RBP3: variants seen among roughly 807,000 people sequenced by gnomAD.
RBP3 encodes retinol binding protein 3, also known as retinol-binding protein 3.
Under a neutral mutation model 64.8 loss-of-function variants are expected in RBP3, and 50 were observed. The ratio of observed to expected loss-of-function variants is 0.77; its 90% CI spans 0.61 to 0.98. The LOEUF is 0.98. Ranked by LOEUF, RBP3 falls within the 50% of genes least tolerant of loss-of-function variation. The probability of loss-of-function intolerance (pLI) is 0.00; values close to 1 mark genes in which losing one functional copy is unlikely to be tolerated. For missense variants in RBP3, 1,712 were observed against 1,660.5 expected, an observed-to-expected ratio of 1.03 and a Z score of -0.54; for synonymous variants, 828 against 730.2, an observed-to-expected ratio of 1.13 and a Z score of -2.16.
rs1298108353 is a variant in RBP3 at position 47,351,343 on chromosome 10, C to T, written c.2859C>T (p.Ala953=). ...TAGKLVADNY[A]SAELGAKMAT... ...GGAAGCTGGTGGCTGATAACTATGC[C>T]TCTGCCGAGCTGGGGGCCAAGATGG... The change falls in exon 1 of 4, where the codon GCC becomes GCT. Residue 953 remains alanine, a synonymous_variant. Transcript: ENST00000584701. 5.0e-6 allele frequency: 8 copies of T among 1,613,428 alleles called. No homozygotes were observed. Among genetic ancestry groups the T allele is most frequent in the African/African-American group, 2.7e-5 (2 of 74,948 alleles).
rs1467012728 is a variant in RBP3 at position 47,350,834 on chromosome 10, T to C, written c.2350T>C (p.Tyr784His). 6.2e-7 allele frequency: 1 copy of C among 1,613,040 alleles called. No individual in the cohort carries two copies. ...DTAALVIDLR[Y>H]NPGSYSTAIP... Reference sequence around the variant, plus strand: ...GGCTGCGCTGGTGATCGACCTGCGCTACAACCCTGGCAGCTACTCCACGGC... The same window carrying C: ...GGCTGCGCTGGTGATCGACCTGCGCCACAACCCTGGCAGCTACTCCACGGC... The change falls in exon 1 of 4, where the codon TAC becomes CAC. Residue 784 changes from tyrosine (Y) to histidine (H), a missense_variant. Transcript: ENST00000584701.
chr10:47,351,949 AG>A (rs1555211639), intron 1 of RBP3, among the ~76,000 whole-genome samples: 1 of 152,178 alleles, frequency 6.6e-6, no homozygotes, highest in Non-Finnish European at 1.5e-5. Context: ...GCTAGGGAAG[AG>A]GCCAACACCT....
chr10:47,349,674 C>T lies in RBP3; in HGVS notation c.1190C>T (p.Ser397Phe). 1 of 1,611,856 alleles carries T rather than the reference C, an allele frequency of 6.2e-7. No individual in the cohort carries two copies. The highest frequency in any genetic ancestry group is 1.1e-5 in the South Asian group (1 of 91,086). ...VRAIGPTETP[S>F]WPAPDAAAED... ...GCCATCGGGCCCACAGAAACTCCTT[C>T]TTGGCCCGCGCCCGACGCTGCAGCC... The change falls in exon 1 of 4, where the codon TCT becomes TTT. Residue 397 changes from serine to phenylalanine, a missense_variant. Coordinates refer to ENST00000584701, the MANE Select transcript of RBP3 (RefSeq NM_002900.3).
intron 1 of RBP3, among the ~76,000 whole-genome samples, chr10:47,351,943 G>A (rs1836980360): frequency 6.6e-6 from 1 of 152,174 alleles, no homozygotes; most frequent in East Asian, 1.9e-4. Context: ...GTCAGTGCTA[G>A]GGAAGAGGCC....
chr10:47,355,380 A>C lies in RBP3; in HGVS notation c.3250A>C (p.Asn1084His). 6.2e-7 allele frequency: 1 copy of C among 1,613,864 alleles called. No individual in the cohort carries two copies. Among genetic ancestry groups the C allele is most frequent in the Non-Finnish European group, 8.5e-7 (1 of 1,180,040 alleles). Reference protein sequence around the residue: ...TDAMIIDMRFNIGGPTSSIPI... With the variant: ...TDAMIIDMRFHIGGPTSSIPI... The stretch of plus-strand genomic sequence containing the variant: ...GCTCTGCTTCCCATCCTTCAGGTTC[A>C]ACATCGGTGGCCCCACATCCTCCAT... The change falls in exon 3 of 4, where the codon AAC becomes CAC. Residue 1084 changes from asparagine to histidine, a missense_variant. Coordinates refer to ENST00000584701, the MANE Select transcript of RBP3 (RefSeq NM_002900.3).
chr10:47,355,311 C>A (rs546604824), intron 2 of RBP3, 65 bp from the exon 3 acceptor site: 3 of 1,606,674 alleles, frequency 1.9e-6, no homozygotes, highest in East Asian at 2.2e-5. Context: ...CTGGCCTCCC[C>A]GAGGGGCACA....
At position 47,349,563 on chromosome 10, in the gene RBP3, C is replaced by T; in HGVS notation, c.1079C>T (p.Ser360Phe). ...CAGCACTTGGCCAGCATGGACTTCT[C>T]CACGGTGGTCTCCGAGGAAGATCTG... ...LLQHLASMDF[S>F]TVVSEEDLVT... is the part of the protein sequence containing the mutation. Residue 360 changes from serine to phenylalanine, a missense_variant, in exon 1 of 4, where the codon TCC (serine) becomes TTC (phenylalanine). Transcript: ENST00000584701. 1 of 1,613,036 alleles carries T rather than the reference C, an allele frequency of 6.2e-7. No homozygotes were observed. Among genetic ancestry groups the T allele is most frequent in the South Asian group, 1.1e-5 (1 of 91,080 alleles).
At chr10:47,356,618 T>G (rs901118013) in intron 3 of RBP3, among the ~76,000 whole-genome samples, 2 of 152,226 alleles carry the variant, frequency 1.3e-5, no homozygotes, top group Non-Finnish European at 2.9e-5. Flanking sequence ...ATGGGTTTCT[T>G]TTTGCTTGCT....
chr10:47,351,396 G>A lies in RBP3; in HGVS notation c.2912G>A (p.Arg971His), dbSNP rs373522557. Residue 971 changes from arginine (R) to histidine (H), a missense_variant, in exon 1 of 4, where the codon CGC (arginine) becomes CAC (histidine). Arg to His is a conservative substitution (Grantham distance 29). Coordinates refer to ENST00000584701, the MANE Select transcript of RBP3 (RefSeq NM_002900.3). ...MATKLSGLQS[R>H]YSRVTSEVAL... The stretch of plus-strand genomic sequence containing the variant: ...ACCAAACTGAGCGGTCTGCAGAGCC[G>A]CTACTCCAGGGTGACCTCAGAAGTG... 1.3e-5 allele frequency: 21 copies of A among 1,613,538 alleles called. No individual in the cohort carries two copies. The highest frequency in any genetic ancestry group is 6.7e-5 in the East Asian group (3 of 44,882).
In RBP3 at chr10:47,351,624, C is replaced by T. The variant is rs782466105; in HGVS notation, c.3054+86C>T. 82 of 1,488,708 alleles carry T rather than the reference C, an allele frequency of 5.5e-5. No individual in the cohort carries two copies. In the South Asian group the frequency reaches 6.4e-4, roughly 12 times the overall value. 92.2% of individuals were successfully genotyped at this position (1,488,708 alleles called of 1,614,324 possible). A position where few individuals can be genotyped will look rare whatever the true frequency, so the allele number is the denominator to read the frequency against. On this transcript the variant is annotated intron_variant, in intron 1 of 3. Transcript: ENST00000584701. ...CACATGCAGGGCTCTGTGCACAGTG[C>T]GTGACAATGGCTTTTAGATTTGTTC...
Position 47,355,411 on chromosome 10 carries a change from T to C in RBP3, c.3281T>C (p.Ile1094Thr), listed in dbSNP as rs1555211913. ...NIGGPTSSIPILCSYFFDEGP... is the reference protein window; with the variant it reads ...NIGGPTSSIPTLCSYFFDEGP... Reference sequence around the variant, plus strand: ...GGTGGCCCCACATCCTCCATTCCCATCTTGTGCTCCTACTTCTTTGATGAA... The same window carrying C: ...GGTGGCCCCACATCCTCCATTCCCACCTTGTGCTCCTACTTCTTTGATGAA... Residue 1094 changes from isoleucine to threonine, a missense_variant, in exon 3 of 4, where the codon ATC (isoleucine) becomes ACC (threonine). Physicochemically the swap from Ile to Thr is moderately conservative, Grantham distance 89. Coordinates refer to ENST00000584701, the MANE Select transcript of RBP3 (RefSeq NM_002900.3). The C allele has an allele frequency of 6.2e-7, 1 of 1,614,134 alleles. No homozygotes were observed.
chr10:47,356,920 T>A lies in RBP3; in HGVS notation c.3389-182T>A, dbSNP rs191305517. Among the ~76,000 whole-genome samples, 13 of 152,260 alleles carry A rather than the reference T, an allele frequency of 8.5e-5. No individual in the cohort carries two copies. The East Asian group carries it at 2.5e-3, about 29-fold the overall frequency. ...CCTCGTGATTGGGCATGCATTCTTG[T>A]CCCCATTTTACGGATGCAGAAATCA... On this transcript the variant is annotated intron_variant, in intron 3 of 3. Transcript: ENST00000584701.
chr10:47,349,174 C>T lies in RBP3; in HGVS notation c.690C>T (p.Leu230=), dbSNP rs375566306. 6.2e-7 allele frequency: 1 copy of T among 1,613,664 alleles called. No homozygotes were observed. Among genetic ancestry groups the T allele is most frequent in the African/African-American group, 1.3e-5 (1 of 74,938 alleles). The stretch of plus-strand genomic sequence containing the variant: ...GTGCCGACAAGGATGTGGTGGTCCT[C>T]ACCAGCAGCCAGACCAGGGGCGTGG... ...RYGADKDVVV[L]TSSQTRGVAE... is the part of the protein sequence containing the mutation. Residue 230 remains leucine, a synonymous_variant, in exon 1 of 4, where the codon CTC becomes CTT. Coordinates refer to ENST00000584701, the MANE Select transcript of RBP3 (RefSeq NM_002900.3).
Position 47,351,552 on chromosome 10 carries a change from G to C in RBP3, c.3054+14G>C, listed in dbSNP as rs1555211599. 6 of 1,613,486 alleles carry C rather than the reference G, an allele frequency of 3.7e-6. No individual in the cohort carries two copies. Among genetic ancestry groups the C allele is most frequent in the Non-Finnish European group, 5.1e-6 (6 of 1,180,046 alleles). ...GTGCCCATGCAGGTGAGACCCAAGAGAGACCTGGCTGAACCCAGTCCCGGG... is the reference window on the plus strand; with the variant it reads ...GTGCCCATGCAGGTGAGACCCAAGACAGACCTGGCTGAACCCAGTCCCGGG... On this transcript the variant is annotated intron_variant, in intron 1 of 3. Transcript: ENST00000584701.
rs782772636 is a variant in RBP3, at chr10:47,351,272, A to T, written c.2788A>T (p.Ile930Leu). 3 of 1,613,462 alleles carry T rather than the reference A, an allele frequency of 1.9e-6. No individual in the cohort carries two copies. The highest frequency in any genetic ancestry group is 2.5e-6 in the Non-Finnish European group (3 of 1,180,040). ...MSEALSIAQD[I>L]VALRAKVPTV... ...CGAAGCCCTTTCCATAGCCCAGGACATAGTGGCTCTGCGTGCCAAGGTGCC... is the reference window on the plus strand; with the variant it reads ...CGAAGCCCTTTCCATAGCCCAGGACTTAGTGGCTCTGCGTGCCAAGGTGCC... Residue 930 changes from isoleucine (I) to leucine (L), a missense_variant, in exon 1 of 4, where the codon ATA becomes TTA. By Grantham distance (5) the Ile-to-Leu change is conservative (BLOSUM62 2). Coordinates refer to ENST00000584701, the MANE Select transcript of RBP3 (RefSeq NM_002900.3).
chr10:47,349,881 A>T lies in RBP3; in HGVS notation c.1397A>T (p.Glu466Val). The T allele has an allele frequency of 6.2e-7, 1 of 1,613,058 alleles. No homozygotes were observed. The highest frequency in any genetic ancestry group is 8.5e-7 in the Non-Finnish European group (1 of 1,179,964). ...CCATATGTCCTGCGCCAGGTGTGGG[A>T]GCCGCTACAGGACACGGAGCACCTC... The part of the protein sequence containing the change: ...LAPYVLRQVW[E>V]PLQDTEHLIM... The change falls in exon 1 of 4, where the codon GAG (glutamate) becomes GTG (valine). Residue 466 changes from glutamate to valine, a missense_variant. Coordinates refer to ENST00000584701, the MANE Select transcript of RBP3 (RefSeq NM_002900.3).
In RBP3 at chr10:47,351,130, C is replaced by T. The variant is rs1307582739; in HGVS notation, c.2646C>T (p.Tyr882=). Reference sequence around the variant, plus strand: ...GAGGCGCACTCTCTGTGGGCATCTACCAGGTGGGCAGCAGCCCCTTATATG... The same window carrying T: ...GAGGCGCACTCTCTGTGGGCATCTATCAGGTGGGCAGCAGCCCCTTATATG... ...TAGGALSVGI[Y]QVGSSPLYAS... The change falls in exon 1 of 4, where the codon TAC becomes TAT. Residue 882 remains tyrosine, a synonymous_variant. Transcript: ENST00000584701. The T allele has an allele frequency of 3.1e-6, 5 of 1,612,872 alleles. No homozygotes were observed. Among genetic ancestry groups the T allele is most frequent in the Non-Finnish European group, 4.2e-6 (5 of 1,180,030 alleles).
intron 3 of RBP3, among the ~76,000 whole-genome samples, chr10:47,355,749 T>C (rs538813981): frequency 3.7e-4 from 56 of 152,226 alleles, no homozygotes; most frequent in African/African-American, 1.3e-3. Context: ...TTTTCTAGGG[T>C]CATGCAGCTA....
chr10:47,354,134 C>T (rs1291234486), intron 2 of RBP3, among the ~76,000 whole-genome samples: 1 of 152,250 alleles, frequency 6.6e-6, no homozygotes, highest in Non-Finnish European at 1.5e-5. Flanking sequence ...CAGCTAGCCA[C>T]CTCCCCTCTG....
Sources: allele counts gnomAD v4.1 joint callset (sites outside exome capture counted in the v4.1 genomes callset), GRCh38; gene constraint gnomAD v4.1.1; transcripts MANE v1.5; gene names NCBI Gene and HGNC (gene_info 2026-07-23, HGNC 2026-07-21).